SGCZ: variants seen among roughly 807,000 people sequenced by gnomAD.
SGCZ encodes sarcoglycan zeta.
In SGCZ, 40 loss-of-function variants were observed where a neutral mutation model predicts 41.3. The observed-to-expected ratio is 0.97, with a 90% CI of 0.75 to 1.26. The LOEUF (loss-of-function observed/expected upper bound fraction) is 1.26, where lower values mean the gene tolerates loss of function less well. Ranked by LOEUF, SGCZ falls within the 50% of genes most tolerant of loss-of-function variation. SGCZ has a pLI of 0.00. For missense variants in SGCZ, 552 were observed against 369.8 expected (o/e 1.49, Z -4.04); for synonymous variants, 206 against 137.5 (o/e 1.50, Z -3.49).
At position 14,794,717 on chromosome 8, in the gene SGCZ, C is replaced by T. The variant is rs929212561; in HGVS notation, c.40-239791G>A. On this transcript the variant is annotated intron_variant, in intron 1 of 7. Coordinates refer to ENST00000382080, the MANE Select transcript of SGCZ (RefSeq NM_139167.4). Reference sequence around the variant, plus strand: ...TTCCAACGCAAAGGATGAAAATAGGCTCACGAAAAGACATAGCATTGGGAA... The same window carrying T: ...TTCCAACGCAAAGGATGAAAATAGGTTCACGAAAAGACATAGCATTGGGAA... Among the ~76,000 whole-genome samples the T allele has an allele frequency of 2.6e-5, 4 of 152,044 alleles. No individual in the cohort carries two copies. In the East Asian group the frequency reaches 7.7e-4, roughly 29 times the overall value.
At chr8:15,157,539 T>A (rs1225573199) in intron 1 of SGCZ, among the ~76,000 whole-genome samples, 1 of 152,138 alleles carries the variant, frequency 6.6e-6, no homozygotes, top group Non-Finnish European at 1.5e-5. Flanking sequence ...ACGGATTCAA[T>A]TCATGCTTTA....
At chr8:14,382,480 A>C (rs1176515248) in intron 2 of SGCZ, among the ~76,000 whole-genome samples, 1 of 152,112 alleles carries the variant, frequency 6.6e-6, no homozygotes, top group Admixed American at 6.6e-5. Flanking sequence ...AGCAGGTGCA[A>C]GCTAAATGTG....
Position 15,183,975 on chromosome 8 carries a change from G to T in SGCZ, c.39+53610C>A, listed in dbSNP as rs1032449018. Reference sequence around the variant, plus strand: ...CAAAGAGAAGGAAGAATTATTGTAAGAAAGAATGATGTACAAACTACTTAG... The same window carrying T: ...CAAAGAGAAGGAAGAATTATTGTAATAAAGAATGATGTACAAACTACTTAG... On this transcript the variant is annotated intron_variant, in intron 1 of 7. Coordinates refer to ENST00000382080, the MANE Select transcript of SGCZ (RefSeq NM_139167.4). 3.3e-5 allele frequency among the ~76,000 whole-genome samples: 5 copies of T among 152,274 alleles called. No homozygotes were observed. In the East Asian group the frequency reaches 5.8e-4, roughly 18 times the overall value.
chr8:14,888,501 C>T (rs114269389), intron 1 of SGCZ, among the ~76,000 whole-genome samples: 2,578 of 152,168 alleles, frequency 0.017, 25 homozygotes, highest in African/African-American at 0.034. Context: ...TATACATAAT[C>T]GTATCATGAG....
At chr8:14,372,440 G>A (rs1803948654) in intron 2 of SGCZ, among the ~76,000 whole-genome samples, 1 of 152,116 alleles carries the variant, frequency 6.6e-6, no homozygotes. Flanking sequence ...GTGAGCATGA[G>A]AGGATTTCTG....
intron 2 of SGCZ, among the ~76,000 whole-genome samples, chr8:14,459,422 A>T (rs1449103361): frequency 1.3e-5 from 2 of 151,260 alleles, no homozygotes; most frequent in African/African-American, 4.9e-5. Flanking sequence ...TATAATAAAA[A>T]ATAAAATAAA....
At chr8:14,325,875 C>T (rs539737966) in intron 2 of SGCZ, among the ~76,000 whole-genome samples, 6 of 146,462 alleles carry the variant, frequency 4.1e-5, no homozygotes, top group South Asian at 2.1e-4. Flanking sequence ...TACTTCGGAA[C>T]GTAGAGGCGG....
chr8:14,338,606 T>C (rs1445996200), intron 2 of SGCZ, among the ~76,000 whole-genome samples: 1 of 152,184 alleles, frequency 6.6e-6, no homozygotes, highest in Non-Finnish European at 1.5e-5. Flanking sequence ...ATATTTTGTA[T>C]TGAAATGCAA....
At position 14,978,470 on chromosome 8, in the gene SGCZ, C is replaced by CAAAAAAAAAAAAAAAAAAAAAAAAAAA. The variant is rs59543494; in HGVS notation, c.39+259088_39+259114dup. On this transcript the variant is annotated intron_variant, in intron 1 of 7. Transcript: ENST00000382080. ...TGGAGGACCGAGTGAGACACCGTCA[C>CAAAAAAAAAAAAAAAAAAAAAAAAAAA]AAAAAAAAAAAAAAAAAAAAAAAAA... is the stretch of plus-strand genomic sequence containing the variant. 3.2e-5 allele frequency among the ~76,000 whole-genome samples: 2 copies of CAAAAAAAAAAAAAAAAAAAAAAAAAAA among 62,824 alleles called. 1 individual carries two copies. The highest frequency in any genetic ancestry group is 1.7e-4 in the African/African-American group (2 of 12,042). 41.2% of individuals were successfully genotyped at this position (62,824 alleles called of 152,430 possible).
intron 2 of SGCZ, among the ~76,000 whole-genome samples, chr8:14,406,555 T>C (rs978805767): frequency 1.3e-5 from 2 of 152,082 alleles, no homozygotes; most frequent in Non-Finnish European, 2.9e-5. Context: ...TGGCATCACA[T>C]TGAGCTAAGA....
At chr8:14,915,900 T>C (rs2130783789) in intron 1 of SGCZ, among the ~76,000 whole-genome samples, 1 of 152,330 alleles carries the variant, frequency 6.6e-6, no homozygotes, top group Admixed American at 6.5e-5. Context: ...ACCCAGGGTA[T>C]ATACTCCAGG....
At chr8:14,809,396 G>T (rs1801671477) in intron 1 of SGCZ, among the ~76,000 whole-genome samples, 1 of 151,976 alleles carries the variant, frequency 6.6e-6, no homozygotes, top group South Asian at 2.1e-4. Context: ...CAATGATGAA[G>T]ACATTGATAG....
intron 1 of SGCZ, among the ~76,000 whole-genome samples, chr8:15,165,740 G>C (rs973257199): frequency 1.3e-5 from 2 of 152,198 alleles, no homozygotes; most frequent in Non-Finnish European, 2.9e-5. Flanking sequence ...CTTTTGCTTA[G>C]GGTTAAAGTA....
At chr8:14,407,905 CTT>C (rs1408228175) in intron 2 of SGCZ, among the ~76,000 whole-genome samples, 1 of 152,108 alleles carries the variant, frequency 6.6e-6, no homozygotes, top group Non-Finnish European at 1.5e-5. Context: ...AAAGGAACCT[CTT>C]GAGTCTCACG....
chr8:15,233,428 C>G (rs1802022160), intron 1 of SGCZ, among the ~76,000 whole-genome samples: 1 of 151,302 alleles, frequency 6.6e-6, no homozygotes, highest in South Asian at 2.1e-4. Context: ...TATGACATTG[C>G]TTTAAGACCT....
At chr8:14,821,679 T>A (rs1802091291) in intron 1 of SGCZ, among the ~76,000 whole-genome samples, 1 of 152,044 alleles carries the variant, frequency 6.6e-6, no homozygotes, top group South Asian at 2.1e-4. Flanking sequence ...TCATTAAATG[T>A]GATAAATCAC....
chr8:15,237,499 G>A, intron 1 of SGCZ, 86 bp downstream of exon 1: 4 of 1,485,426 alleles, frequency 2.7e-6, no homozygotes, highest in South Asian at 1.2e-5. Context: ...CAACTACTCC[G>A]CGCCGCTGGA....
intron 1 of SGCZ, among the ~76,000 whole-genome samples, chr8:15,054,645 AT>A (rs1804638367): frequency 1.3e-5 from 2 of 152,172 alleles, no homozygotes; most frequent in African/African-American, 4.8e-5. Flanking sequence ...TGAAAAAATT[AT>A]TTATCTTCTT....
At chr8:14,179,792 A>G (rs11203582) in intron 4 of SGCZ, among the ~76,000 whole-genome samples, 51,617 of 151,988 alleles carry the variant, frequency 0.34, 9,373 homozygotes, top group East Asian at 0.63. Context: ...AACTCCAGGT[A>G]TTCCTATACT....
Sources: gnomAD v4.1 joint callset for allele counts (sites outside exome capture counted in the v4.1 genomes callset) on GRCh38, gnomAD v4.1.1 for gene constraint, MANE v1.5 for transcripts, NCBI Gene and HGNC (gene_info 2026-07-23, HGNC 2026-07-21) for gene names.